KRABD5: variants seen among roughly 807,000 people sequenced by gnomAD.
The protein encoded by KRABD5 is KRAB domain-containing protein 5.
chr16:31,721,269 T>C, the KRABD5 span, among the ~76,000 whole-genome samples: 1 of 152,138 alleles, frequency 6.6e-6, no homozygotes, highest in Non-Finnish European at 1.5e-5. Flanking sequence ...TATGTATAGT[T>C]ACCATTTCTA....
chr16:31,748,190 G>T, the KRABD5 span, among the ~76,000 whole-genome samples: 6 of 152,154 alleles, frequency 3.9e-5, no homozygotes, highest in African/African-American at 1.4e-4. Flanking sequence ...AAGGGATCCA[G>T]TTTCAGCTTT....
the KRABD5 span, chr16:31,754,179 G>C: frequency 2.9e-6 from 2 of 689,020 alleles, no homozygotes; most frequent in Non-Finnish European, 5.2e-6. Context: ...TGGAGTAAAT[G>C]TTCAGTCAAA....
At chr16:31,758,558 G>GTGGCTTTAC in the KRABD5 span, 1 of 151,926 alleles carries the variant, frequency 6.6e-6, no homozygotes, top group Non-Finnish European at 1.5e-5. Flanking sequence ...TGGATCACCT[G>GTGGCTTTAC]AGGTCAGGAG....
the KRABD5 span, among the ~76,000 whole-genome samples, chr16:31,716,997 G>GTTTTTTTTTTTTTTTTTT: frequency 4.9e-5 from 4 of 81,164 alleles, 1 homozygote; most frequent in African/African-American, 1.0e-4. Flanking sequence ...GTCAGTCTTT[G>GTTTTTTTTTTTTTTTTTT]TTTTTTTTTT....
At chr16:31,716,615 A>G in the KRABD5 span, among the ~76,000 whole-genome samples, 2 of 152,106 alleles carry the variant, frequency 1.3e-5, no homozygotes, top group Non-Finnish European at 2.9e-5. Flanking sequence ...CCTGGGCTCA[A>G]GTGATCCACC....
At chr16:31,722,582 T>A in the KRABD5 span, 5 of 1,604,562 alleles carry the variant, frequency 3.1e-6, no homozygotes, top group African/African-American at 4.0e-5. Context: ...TGATGAACTC[T>A]GCCCATGGCC....
At chr16:31,716,368 C>T in the KRABD5 span, among the ~76,000 whole-genome samples, 1 of 152,158 alleles carries the variant, frequency 6.6e-6, no homozygotes. Context: ...GTAGCACCTT[C>T]CCTTCTGCCT....
At chr16:31,720,203 T>C in the KRABD5 span, among the ~76,000 whole-genome samples, 1 of 152,236 alleles carries the variant, frequency 6.6e-6, no homozygotes, top group Non-Finnish European at 1.5e-5. Flanking sequence ...GTTACTGTCC[T>C]CTCCAGCCTC....
chr16:31,741,145 A>T, the KRABD5 span, among the ~76,000 whole-genome samples: 1 of 151,018 alleles, frequency 6.6e-6, no homozygotes, highest in Non-Finnish European at 1.5e-5. Flanking sequence ...ACATGATTTT[A>T]TTTTTTTTAT....
At chr16:31,744,837 T>C in the KRABD5 span, among the ~76,000 whole-genome samples, 1 of 56,270 alleles carries the variant, frequency 1.8e-5, no homozygotes, top group Non-Finnish European at 3.4e-5. Flanking sequence ...TTCTTCCTGG[T>C]TTAGTATTGG....
the KRABD5 span, among the ~76,000 whole-genome samples, chr16:31,739,475 A>G: frequency 1.3e-5 from 2 of 151,650 alleles, no homozygotes; most frequent in African/African-American, 4.9e-5. Flanking sequence ...TCTGGCTTCT[A>G]AATTCTCTTT....
chr16:31,756,684 C>A, the KRABD5 span: 1 of 152,118 alleles, frequency 6.6e-6, no homozygotes, highest in Non-Finnish European at 1.5e-5. Flanking sequence ...AAATGCCATA[C>A]TTTTAAAATC....
chr16:31,746,018 C>T, the KRABD5 span, among the ~76,000 whole-genome samples: 1 of 151,914 alleles, frequency 6.6e-6, no homozygotes, highest in Admixed American at 6.6e-5. Context: ...TGTGTCTTTG[C>T]ACATGAGATG....
the KRABD5 span, chr16:31,758,336 G>T: frequency 6.6e-6 from 1 of 152,038 alleles, no homozygotes. Context: ...AAGGAAAGAA[G>T]GAATGAAATC....
the KRABD5 span, among the ~76,000 whole-genome samples, chr16:31,724,798 T>C: frequency 6.6e-6 from 1 of 152,178 alleles, no homozygotes; most frequent in Admixed American, 6.5e-5. Flanking sequence ...TCCCCAGAAT[T>C]TATCTTTTAA....
chr16:31,718,635 G>A, the KRABD5 span, among the ~76,000 whole-genome samples: 23 of 152,308 alleles, frequency 1.5e-4, no homozygotes, highest in African/African-American at 5.5e-4. Flanking sequence ...CTGGAGTAGG[G>A]TAATCTTGTC....
chr16:31,732,713 C>T, the KRABD5 span, among the ~76,000 whole-genome samples: 1 of 152,010 alleles, frequency 6.6e-6, no homozygotes, highest in African/African-American at 2.4e-5. Flanking sequence ...AAGAATAGCA[C>T]CAATATATTG....
the KRABD5 span, among the ~76,000 whole-genome samples, chr16:31,718,517 C>T: frequency 6.6e-6 from 1 of 152,158 alleles, no homozygotes; most frequent in East Asian, 1.9e-4. Flanking sequence ...CTAAGCAGAA[C>T]ATGGTGGCAG....
chr16:31,751,400 A>G, the KRABD5 span, among the ~76,000 whole-genome samples: 3 of 152,318 alleles, frequency 2.0e-5, no homozygotes, highest in Non-Finnish European at 2.9e-5. Flanking sequence ...TCAGCTGTGA[A>G]TCCATCTTGT....
Sources: gnomAD v4.1 joint callset for allele counts (sites outside exome capture counted in the v4.1 genomes callset) on GRCh38, gnomAD v4.1.1 for gene constraint, MANE v1.5 for transcripts, NCBI Gene and HGNC (gene_info 2026-07-23, HGNC 2026-07-21) for gene names.